The following NPAS3 variants were observed in gnomAD, a reference collection of about 807,000 sequenced individuals.
NPAS3 encodes the protein neuronal PAS domain-containing protein 3.
NPAS3 carries 14 observed loss-of-function variants against 73.1 expected under a neutral mutation model. The ratio of observed to expected loss-of-function variants is 0.19; its 90% confidence interval spans 0.13 to 0.30. The LOEUF (loss-of-function observed/expected upper bound fraction) is 0.30. Ranked by LOEUF, NPAS3 falls within the 10% of genes least tolerant of loss-of-function variation. The pLI, the probability that NPAS3 is intolerant of heterozygous loss-of-function variation, is 1.00. For missense variants in NPAS3, 1,096 were observed against 1,250.0 expected (o/e 0.88, Z 1.86); for synonymous variants, 620 against 541.5 (o/e 1.14, Z -2.01).
At chr14:33,642,800 G>T (rs748304269) in intron 5 of NPAS3, among the ~76,000 whole-genome samples, 2 of 152,132 alleles carry the variant, frequency 1.3e-5, no homozygotes, top group Non-Finnish European at 2.9e-5. Context: ...TCTTCCGGTG[G>T]TTTTGGTCTT....
At chr14:33,153,368 C>T (rs2044528797) in intron 2 of NPAS3, among the ~76,000 whole-genome samples, 1 of 151,996 alleles carries the variant, frequency 6.6e-6, no homozygotes, top group Admixed American at 6.6e-5. Flanking sequence ...TCTGGGTGAA[C>T]CATGTAGGGA....
At chr14:33,214,942 C>A (rs986758914) in intron 2 of NPAS3, 11 of 514,584 alleles carry the variant, frequency 2.1e-5, no homozygotes, top group Non-Finnish European at 3.4e-5. Context: ...AGGAAAAAAA[C>A]CTTAACAAGT....
At position 32,987,009 on chromosome 14, in the gene NPAS3, C is replaced by T. The variant is rs549726248; in HGVS notation, c.50+47643C>T. Among the ~76,000 whole-genome samples the T allele has an allele frequency of 2.6e-5, 4 of 152,206 alleles. No individual in the cohort carries two copies. The South Asian group carries it at 6.2e-4, about 24-fold the overall frequency. ...GCAGAGGGCTTTGCCGGGAAGAGAGCGGTGTGCCTGGGCCCCAGCTATTGA... is the reference window on the plus strand; with the variant it reads ...GCAGAGGGCTTTGCCGGGAAGAGAGTGGTGTGCCTGGGCCCCAGCTATTGA... On this transcript the variant is annotated intron_variant, in intron 1 of 11. Coordinates refer to ENST00000356141, the Ensembl canonical transcript of NPAS3.
At chr14:33,129,866 T>A (rs1290577556) in intron 2 of NPAS3, among the ~76,000 whole-genome samples, 1 of 152,156 alleles carries the variant, frequency 6.6e-6, no homozygotes, top group Non-Finnish European at 1.5e-5. Context: ...TTCAAAGATA[T>A]TTTAAAGATT....
intron 1 of NPAS3, among the ~76,000 whole-genome samples, chr14:32,971,088 CTTTTTT>C (rs61429455): frequency 1.2e-4 from 17 of 142,178 alleles, no homozygotes; most frequent in Admixed American, 9.9e-4. Context: ...TTTCTTTTTT[CTTTTTT>C]TTTTTTTTGA....
At chr14:33,375,314 C>T (rs2046266358) in intron 4 of NPAS3, among the ~76,000 whole-genome samples, 1 of 152,126 alleles carries the variant, frequency 6.6e-6, no homozygotes, top group Admixed American at 6.6e-5. Context: ...TACTGCTTGC[C>T]TCTACAGGGA....
intron 2 of NPAS3, among the ~76,000 whole-genome samples, chr14:33,081,472 C>A (rs1416986328): frequency 6.6e-6 from 1 of 152,060 alleles, no homozygotes; most frequent in Non-Finnish European, 1.5e-5. Flanking sequence ...AGCTTGCCAC[C>A]TTGCATTGCT....
intron 3 of NPAS3, among the ~76,000 whole-genome samples, chr14:33,317,001 G>A (rs957255277): frequency 4.1e-4 from 62 of 152,030 alleles, no homozygotes; most frequent in African/African-American, 1.1e-3. Flanking sequence ...CTGTAATTTC[G>A]TAAAGCATGC....
At chr14:33,369,365 G>T (rs2045976106) in intron 4 of NPAS3, among the ~76,000 whole-genome samples, 1 of 133,784 alleles carries the variant, frequency 7.5e-6, no homozygotes, top group Admixed American at 8.3e-5. Context: ...CTTAAAAGGG[G>T]CATCAATGCC....
At chr14:33,598,708 G>T (rs905233343) in intron 5 of NPAS3, among the ~76,000 whole-genome samples, 1 of 152,142 alleles carries the variant, frequency 6.6e-6, no homozygotes, top group Non-Finnish European at 1.5e-5. Flanking sequence ...GTGGCCGATG[G>T]CTGCATTATC....
chr14:33,738,482 A>G (rs2061578273), intron 7 of NPAS3, among the ~76,000 whole-genome samples: 1 of 152,096 alleles, frequency 6.6e-6, no homozygotes, highest in Non-Finnish European at 1.5e-5. Flanking sequence ...GGTGATCCCA[A>G]TGCCCCCAAG....
intron 3 of NPAS3, among the ~76,000 whole-genome samples, chr14:33,228,002 G>T (rs1347457164): frequency 6.6e-6 from 1 of 152,086 alleles, no homozygotes; most frequent in Non-Finnish European, 1.5e-5. Flanking sequence ...GAAAAAAATG[G>T]CATAGTTGGA....
rs1469772577 is a variant in NPAS3 at position 33,714,745 on chromosome 14, TG to T, written c.734-20467del. ...TTTCACATTTTAACATCTCTGACTT[TG>T]GAGTGCATCTTACAATCACTGTCAT... On this transcript the variant is annotated intron_variant, in intron 6 of 11. Coordinates refer to ENST00000356141, the Ensembl canonical transcript of NPAS3. Among the ~76,000 whole-genome samples the T allele has an allele frequency of 2.6e-5, 4 of 152,228 alleles. No homozygotes were observed. The East Asian group carries it at 7.7e-4, about 29-fold the overall frequency.
At chr14:33,126,582 T>C (rs1362085641) in intron 2 of NPAS3, among the ~76,000 whole-genome samples, 1 of 151,868 alleles carries the variant, frequency 6.6e-6, no homozygotes, top group African/African-American at 2.4e-5. Flanking sequence ...GGCATGAACA[T>C]GGAGAAGTGA....
At chr14:32,967,432 G>A (rs1397244037) in intron 1 of NPAS3, among the ~76,000 whole-genome samples, 1 of 152,074 alleles carries the variant, frequency 6.6e-6, no homozygotes, top group African/African-American at 2.4e-5. Context: ...AACTTTGTCG[G>A]GGGTTGGTGC....
chr14:33,794,149 A>C, intron 10 of NPAS3, 105 bp downstream of exon 10: 1 of 1,010,070 alleles, frequency 9.9e-7, no homozygotes, highest in Non-Finnish European at 1.5e-6. Context: ...ATCTTTTGAC[A>C]GTACCTGGTG....
intron 6 of NPAS3, among the ~76,000 whole-genome samples, chr14:33,710,219 A>AATCT (rs2060779183): frequency 6.6e-6 from 1 of 152,234 alleles, no homozygotes. Context: ...CGCCAATTCC[A>AATCT]ATCTCTAATT....
chr14:33,784,961 G>A (rs1368577443), intron 9 of NPAS3, among the ~76,000 whole-genome samples: 2 of 150,848 alleles, frequency 1.3e-5, no homozygotes, highest in Admixed American at 1.3e-4. Context: ...TGTTGGTCAG[G>A]CTGGTCTCGA....
intron 1 of NPAS3, among the ~76,000 whole-genome samples, chr14:32,988,687 G>C (rs1279206): frequency 0.06 from 9,163 of 152,246 alleles, 365 homozygotes; most frequent in Non-Finnish European, 0.093. Context: ...CAACTAAGTA[G>C]ACTGGACACA....
Sources: gnomAD v4.1 joint callset for allele counts (sites outside exome capture counted in the v4.1 genomes callset) on GRCh38, gnomAD v4.1.1 for gene constraint, MANE v1.5 for transcripts, NCBI Gene and HGNC (gene_info 2026-07-23, HGNC 2026-07-21) for gene names.